PIK3R5: variants seen among roughly 807,000 people sequenced by gnomAD.
PIK3R5 encodes phosphoinositide 3-kinase regulatory subunit 5.
PIK3R5 carries 32 observed loss-of-function variants against 94.9 expected under a neutral mutation model. The observed-to-expected ratio is 0.34, with a 90% CI of 0.25 to 0.45. The LOEUF (loss-of-function observed/expected upper bound fraction) is 0.45. PIK3R5 is among the 20% of genes least tolerant of loss of function. PIK3R5 has a pLI of 1.00. For synonymous variants in PIK3R5, 443 were observed against 479.4 expected, an observed-to-expected ratio of 0.92 and a Z score of 0.99; for missense variants, 853 against 1,144.6, an observed-to-expected ratio of 0.75 and a Z score of 3.68.
At chr17:8,897,300 G>A (rs1044939255) in intron 5 of PIK3R5, among the ~76,000 whole-genome samples, 6 of 152,344 alleles carry the variant, frequency 3.9e-5, no homozygotes, top group Admixed American at 3.9e-4. Flanking sequence ...TGGCTAGAAA[G>A]CCAAGAGGAA....
At chr17:8,922,003 A>G (rs1843930636) in intron 1 of PIK3R5, among the ~76,000 whole-genome samples, 1 of 152,198 alleles carries the variant, frequency 6.6e-6, no homozygotes, top group Non-Finnish European at 1.5e-5. Context: ...GGAAGAAAAT[A>G]TTTGCAAATC....
chr17:8,904,752 C>T lies in PIK3R5; in HGVS notation c.412+25G>A. ...ATTCTGACCTTCTGAGCCCTGTCCC[C>T]CGTGCCAGCTGCCTCAGTGCTTACC... On this transcript the variant is annotated intron_variant, in intron 5 of 18. Coordinates refer to ENST00000447110, the MANE Select transcript of PIK3R5 (RefSeq NM_001142633.3). This position sits in a 1 kb window ranked among gnomAD's most constrained non-coding sequence, Gnocchi z 5.1. The T allele has an allele frequency of 6.2e-7, 1 of 1,612,790 alleles. No homozygotes were observed. The highest frequency in any genetic ancestry group is 8.5e-7 in the Non-Finnish European group (1 of 1,179,058).
At chr17:8,940,358 C>T (rs187119176) in intron 1 of PIK3R5, among the ~76,000 whole-genome samples, 1 of 151,612 alleles carries the variant, frequency 6.6e-6, no homozygotes, top group Non-Finnish European at 1.5e-5. Context: ...TTCAGAGCTG[C>T]TGCAAGAAGG....
chr17:8,943,036 C>T lies in PIK3R5; in HGVS notation c.-14+22560G>A, dbSNP rs113955544. ...GAGTTGCAGGCTGTGGACATCATAG[C>T]ACATCACTCCTAAACATCAGCTTGA... is the stretch of plus-strand genomic sequence containing the variant. On this transcript the variant is annotated intron_variant, in intron 1 of 18. Coordinates refer to ENST00000447110, the MANE Select transcript of PIK3R5 (RefSeq NM_001142633.3). Among the ~76,000 whole-genome samples, 1,275 of 151,764 alleles carry T rather than the reference C, an allele frequency of 8.4e-3. 17 individuals carry two copies. Among genetic ancestry groups the T allele is most frequent in the African/African-American group, 0.029 (1,196 of 41,330 alleles).
chr17:8,931,718 G>A (rs1445646303), intron 1 of PIK3R5, among the ~76,000 whole-genome samples: 1 of 152,190 alleles, frequency 6.6e-6, no homozygotes, highest in African/African-American at 2.4e-5. Context: ...ACCTCATGAA[G>A]CCTGGCAGAA....
Position 8,909,212 on chromosome 17 carries a change from G to A in PIK3R5, c.104-38C>T, listed in dbSNP as rs2090468624. 3.1e-6 allele frequency: 4 copies of A among 1,300,050 alleles called. No individual in the cohort carries two copies. The highest frequency in any genetic ancestry group is 3.8e-5 in the Admixed American group (2 of 52,234). 80.5% of individuals were successfully genotyped at this position (1,300,050 alleles called of 1,614,324 possible). Reference sequence around the variant, plus strand: ...AGAGAGGCAAGGGGTCAGTTCTGGTGTCTTCCAGTCACACTCAGGCAGGGG... The same window carrying A: ...AGAGAGGCAAGGGGTCAGTTCTGGTATCTTCCAGTCACACTCAGGCAGGGG... On this transcript the variant is annotated intron_variant, in intron 2 of 18. Coordinates refer to ENST00000447110, the MANE Select transcript of PIK3R5 (RefSeq NM_001142633.3). This position sits in a 1 kb window ranked among gnomAD's most constrained non-coding sequence, Gnocchi z 4.3.
rs1047176133 is a variant in PIK3R5, at chr17:8,909,265, A to G, written c.104-91T>C. 3 of 744,086 alleles carry G rather than the reference A, an allele frequency of 4.0e-6. No homozygotes were observed. In the African/African-American group the frequency reaches 5.3e-5, roughly 13 times the overall value. 46.1% of individuals were successfully genotyped at this position (744,086 alleles called of 1,614,324 possible). On this transcript the variant is annotated intron_variant, in intron 2 of 18. Coordinates refer to ENST00000447110, the MANE Select transcript of PIK3R5 (RefSeq NM_001142633.3). The surrounding 1 kb of genome is among the most constrained non-coding windows in gnomAD (Gnocchi z 4.3). The stretch of plus-strand genomic sequence containing the variant: ...GTAAAGAAGGGGCATTTATGCTGGA[A>G]CATTTTTCTGTGGTATTGCACTGGA...
intron 1 of PIK3R5, among the ~76,000 whole-genome samples, chr17:8,953,758 A>G (rs1429529638): frequency 6.6e-6 from 1 of 152,088 alleles, no homozygotes; most frequent in Non-Finnish European, 1.5e-5. Flanking sequence ...ACCTTCCAAG[A>G]CCTTTCCAGA....
chr17:8,953,619 C>G (rs1436293853), intron 1 of PIK3R5, among the ~76,000 whole-genome samples: 1 of 152,214 alleles, frequency 6.6e-6, no homozygotes, highest in Non-Finnish European at 1.5e-5. Flanking sequence ...CTAAAAACAA[C>G]CTCAGGTCTT....
intron 3 of PIK3R5, among the ~76,000 whole-genome samples, chr17:8,907,437 T>C (rs2090420676): frequency 6.6e-6 from 1 of 152,166 alleles, no homozygotes; most frequent in Admixed American, 6.5e-5. Flanking sequence ...ATTTGGATTA[T>C]TAATCTAGAA....
chr17:8,922,848 A>T (rs1040772599), intron 1 of PIK3R5, among the ~76,000 whole-genome samples: 16 of 152,100 alleles, frequency 1.1e-4, no homozygotes, highest in African/African-American at 3.6e-4. Context: ...AGGTAGGTGG[A>T]CATGGTGTGG....
At position 8,959,947 on chromosome 17, in the gene PIK3R5, A is replaced by C. The variant is rs144116542; in HGVS notation, c.-14+5649T>G. ...GCTGTTGATGGAGATGCACAAATGC[A>C]GAGGGCTCCTGAGCGGGACACGCTA... is the stretch of plus-strand genomic sequence containing the variant. On this transcript the variant is annotated intron_variant, in intron 1 of 18. Transcript: ENST00000447110. Among the ~76,000 whole-genome samples the C allele has an allele frequency of 9.0e-3, 1,369 of 152,342 alleles. 23 individuals carry two copies. Among genetic ancestry groups the C allele is most frequent in the African/African-American group, 0.03 (1,259 of 41,576 alleles).
intron 1 of PIK3R5, among the ~76,000 whole-genome samples, chr17:8,912,981 G>A (rs2090558063): frequency 6.6e-6 from 1 of 152,238 alleles, no homozygotes; most frequent in South Asian, 2.1e-4. Flanking sequence ...TTCACTGACT[G>A]TCTGCCATGT....
chr17:8,886,430 A>G lies in PIK3R5; in HGVS notation c.2034+47T>C, dbSNP rs1262109485. 4 of 1,598,098 alleles carry G rather than the reference A, an allele frequency of 2.5e-6. No homozygotes were observed. The South Asian group carries it at 4.5e-5, about 18-fold the overall frequency. On this transcript the variant is annotated intron_variant, in intron 13 of 18. Transcript: ENST00000447110. ...TCCCGGGGCAGGGGTGGGGCCTTGCAGGCCCGGCAGGTGGGGAAGAGGCGG... is the reference window on the plus strand; with the variant it reads ...TCCCGGGGCAGGGGTGGGGCCTTGCGGGCCCGGCAGGTGGGGAAGAGGCGG...
intron 1 of PIK3R5, among the ~76,000 whole-genome samples, chr17:8,930,536 G>A (rs2090969741): frequency 6.6e-6 from 1 of 152,084 alleles, no homozygotes; most frequent in South Asian, 2.1e-4. Context: ...CTCAAAGAAA[G>A]GAAAACTTAT....
Position 8,909,201 on chromosome 17 carries a change from T to A in PIK3R5, c.104-27A>T. On this transcript the variant is annotated intron_variant, in intron 2 of 18. Transcript: ENST00000447110. This position sits in a 1 kb window ranked among gnomAD's most constrained non-coding sequence, Gnocchi z 4.3. The stretch of plus-strand genomic sequence containing the variant: ...TGGAAAAGGAGAGAGAGGCAAGGGG[T>A]CAGTTCTGGTGTCTTCCAGTCACAC... 7.0e-7 allele frequency: 1 copy of A among 1,424,330 alleles called. No homozygotes were observed. The highest frequency in any genetic ancestry group is 1.2e-5 in the South Asian group (1 of 82,840). 88.2% of individuals were successfully genotyped at this position (1,424,330 alleles called of 1,614,324 possible).
In PIK3R5 at chr17:8,949,983, A is replaced by T. The variant is rs182329367; in HGVS notation, c.-14+15613T>A. On this transcript the variant is annotated intron_variant, in intron 1 of 18. Transcript: ENST00000447110. ...CACCAGTCCCCTGGCAACATTCTCT[A>T]TACATTATTAAAAGACAGTTTGTGA... Among the ~76,000 whole-genome samples the T allele has an allele frequency of 6.6e-4, 101 of 152,328 alleles. 1 individual carries two copies. Among genetic ancestry groups the T allele is most frequent in the Non-Finnish European group, 1.2e-3 (81 of 68,016 alleles).
At chr17:8,944,747 C>T (rs1209857435) in intron 1 of PIK3R5, among the ~76,000 whole-genome samples, 8 of 152,144 alleles carry the variant, frequency 5.3e-5, no homozygotes, top group East Asian at 3.9e-4. Flanking sequence ...TACCAGGACA[C>T]GGAGCTGGAG....
At chr17:8,887,458 C>A in intron 11 of PIK3R5, 63 bp downstream of exon 11, 2 of 1,510,274 alleles carry the variant, frequency 1.3e-6, no homozygotes, top group Non-Finnish European at 9.0e-7. Flanking sequence ...GACTTCCAAT[C>A]GGCTTCCTTC....
Sources: gnomAD v4.1 joint callset for allele counts (sites outside exome capture counted in the v4.1 genomes callset) on GRCh38, gnomAD v4.1.1 for gene constraint, Gnocchi (gnomAD v3.1) non-coding constraint, MANE v1.5 for transcripts, NCBI Gene and HGNC (gene_info 2026-07-23, HGNC 2026-07-21) for gene names.